The following LRP1B variants were observed in gnomAD, a reference collection of about 807,000 sequenced individuals.
LRP1B encodes the protein low-density lipoprotein receptor-related protein 1B.
LRP1B carries 217 observed loss-of-function variants against 556.6 expected under a neutral mutation model. The observed-to-expected ratio is 0.39, with a 90% CI of 0.35 to 0.44. The LOEUF is 0.44. Among genes scored for constraint, LRP1B ranks in the 20% least tolerant of loss-of-function variants. The pLI is 1.00. For synonymous variants in LRP1B, 2,047 were observed against 1,865.8 expected (o/e 1.10, Z -2.50); for missense variants, 5,053 against 5,620.8 (o/e 0.90, Z 3.23).
intron 7 of LRP1B, among the ~76,000 whole-genome samples, chr2:141,120,453 T>C (rs1009781735): frequency 2.0e-5 from 3 of 151,950 alleles, no homozygotes; most frequent in Non-Finnish European, 4.4e-5. Flanking sequence ...ATTGACAATA[T>C]TTGACTATTT....
intron 1 of LRP1B, among the ~76,000 whole-genome samples, chr2:141,827,418 C>A (rs1160596575): frequency 6.6e-6 from 1 of 152,120 alleles, no homozygotes; most frequent in African/African-American, 2.4e-5. Context: ...CAAAATACTT[C>A]CTCTGTTTGG....
chr2:141,967,724 C>T (rs541524879), intron 1 of LRP1B, among the ~76,000 whole-genome samples: 1 of 151,912 alleles, frequency 6.6e-6, no homozygotes, highest in Admixed American at 6.6e-5. Flanking sequence ...TAATTTATAA[C>T]ACCTTCTGCT....
At chr2:140,403,006 A>G (rs1178682707) in intron 66 of LRP1B, among the ~76,000 whole-genome samples, 2 of 152,202 alleles carry the variant, frequency 1.3e-5, no homozygotes, top group African/African-American at 4.8e-5. Context: ...AAACCATCAT[A>G]CAAAGACTAT....
intron 2 of LRP1B, among the ~76,000 whole-genome samples, chr2:141,527,722 A>C (rs144699876): frequency 4.6e-5 from 7 of 152,254 alleles, no homozygotes; most frequent in African/African-American, 1.7e-4. Context: ...CTAGTTCTAG[A>C]AAACAGAATT....
chr2:140,457,106 A>T (rs1376828636), intron 61 of LRP1B, among the ~76,000 whole-genome samples: 3 of 152,186 alleles, frequency 2.0e-5, no homozygotes, highest in African/African-American at 2.4e-5. Context: ...AAAACCCTAG[A>T]GCTACTTAAG....
intron 2 of LRP1B, among the ~76,000 whole-genome samples, chr2:141,551,605 A>C (rs1216894846): frequency 6.6e-6 from 1 of 152,078 alleles, no homozygotes; most frequent in Non-Finnish European, 1.5e-5. Context: ...CCTTCCTTGG[A>C]ATATATTCAA....
At chr2:140,774,512 A>G (rs1276682077) in intron 33 of LRP1B, among the ~76,000 whole-genome samples, 1 of 152,166 alleles carries the variant, frequency 6.6e-6, no homozygotes, top group Non-Finnish European at 1.5e-5. Context: ...ACAGTTTGGA[A>G]AAGTGGGTAA....
intron 82 of LRP1B, among the ~76,000 whole-genome samples, chr2:140,316,068 A>T: frequency 6.6e-6 from 1 of 152,160 alleles, no homozygotes; most frequent in East Asian, 1.9e-4. Context: ...AGTATAATTT[A>T]TGATAAAGAT....
chr2:140,886,085 A>C lies in LRP1B; in HGVS notation c.3964+53T>G, dbSNP rs1050600709. On this transcript the variant is annotated intron_variant, in intron 24 of 90. Coordinates refer to ENST00000389484, the MANE Select transcript of LRP1B (RefSeq NM_018557.3). ...CTTCTAGTTATAACGTGTTCTTTGA[A>C]TTTTCACTTAAAAAAGTAATCTAAA... The C allele has an allele frequency of 6.9e-6, 8 of 1,167,806 alleles. No individual in the cohort carries two copies. In the African/African-American group the frequency reaches 9.5e-5, roughly 14 times the overall value. 72.3% of individuals were successfully genotyped at this position (1,167,806 alleles called of 1,614,324 possible). A position where few individuals can be genotyped will look rare whatever the true frequency, so the allele number is the denominator to read the frequency against.
At chr2:141,662,317 A>C (rs750713508) in intron 2 of LRP1B, among the ~76,000 whole-genome samples, 6 of 152,216 alleles carry the variant, frequency 3.9e-5, no homozygotes, top group African/African-American at 7.2e-5. Flanking sequence ...ACAGGATCAA[A>C]TTACACATGA....
chr2:141,514,551 T>A (rs55869530), intron 2 of LRP1B, among the ~76,000 whole-genome samples: 1 of 151,978 alleles, frequency 6.6e-6, no homozygotes, highest in African/African-American at 2.4e-5. Flanking sequence ...GTGGTAGATA[T>A]AAGCTGGGCA....
At chr2:140,400,341 A>G (rs1054558792) in intron 66 of LRP1B, among the ~76,000 whole-genome samples, 1 of 152,154 alleles carries the variant, frequency 6.6e-6, no homozygotes, top group Admixed American at 6.5e-5. Flanking sequence ...TGTTTTGGGT[A>G]ATCCTGAGGA....
At chr2:141,665,107 AG>A (rs113191702) in intron 2 of LRP1B, among the ~76,000 whole-genome samples, 3 of 152,326 alleles carry the variant, frequency 2.0e-5, no homozygotes, top group African/African-American at 7.2e-5. Context: ...CAATGGGGAA[AG>A]GATTCCCTAT....
At chr2:141,801,662 T>TTTGCATAGTAACTCTGTATAA (rs1171659838) in intron 2 of LRP1B, among the ~76,000 whole-genome samples, 1 of 152,124 alleles carries the variant, frequency 6.6e-6, no homozygotes, top group Non-Finnish European at 1.5e-5. Flanking sequence ...TGCTTTTTCA[T>TTTGCATAGTAACTCTGTATAA]TTGCATAGTA....
intron 2 of LRP1B, among the ~76,000 whole-genome samples, chr2:141,693,855 G>A (rs1212873161): frequency 6.6e-6 from 1 of 151,972 alleles, no homozygotes. Flanking sequence ...AAACTCTGTA[G>A]ATGGATAAAG....
At chr2:140,403,648 T>C (rs111553150) in intron 66 of LRP1B, among the ~76,000 whole-genome samples, 1,592 of 152,256 alleles carry the variant, frequency 0.01, 31 homozygotes, top group African/African-American at 0.037. Flanking sequence ...CAAAAACCTA[T>C]ACATAATTGA....
At chr2:141,768,907 T>C (rs570487186) in intron 2 of LRP1B, among the ~76,000 whole-genome samples, 43 of 152,092 alleles carry the variant, frequency 2.8e-4, no homozygotes, top group Admixed American at 3.9e-4. Context: ...GGTCATTTAA[T>C]ATATATGTAT....
chr2:140,467,993 A>G (rs1223664577), intron 60 of LRP1B, among the ~76,000 whole-genome samples: 1 of 152,214 alleles, frequency 6.6e-6, no homozygotes, highest in East Asian at 1.9e-4. Flanking sequence ...TGGCCAAGGG[A>G]TCATTTGATA....
At chr2:141,276,819 G>C (rs1354804717) in intron 3 of LRP1B, among the ~76,000 whole-genome samples, 4 of 151,800 alleles carry the variant, frequency 2.6e-5, no homozygotes, top group African/African-American at 9.7e-5. Flanking sequence ...ACCACGCCCA[G>C]CTAACTTTTT....
Sources: allele counts gnomAD v4.1 joint callset (sites outside exome capture counted in the v4.1 genomes callset), GRCh38; gene constraint gnomAD v4.1.1; transcripts MANE v1.5; gene names NCBI Gene and HGNC (gene_info 2026-07-23, HGNC 2026-07-21).